MMS19: variants seen among roughly 807,000 people sequenced by gnomAD.
The protein encoded by MMS19 is MMS19 cytosolic iron-sulfur assembly component.
MMS19 carries 77 observed loss-of-function variants against 129.8 expected under a neutral mutation model. The ratio of observed to expected loss-of-function variants is 0.59; its 90% confidence interval spans 0.49 to 0.72. The LOEUF (loss-of-function observed/expected upper bound fraction) is 0.72, where lower values mean the gene tolerates loss of function less well. Ranked by LOEUF, MMS19 falls within the 30% of genes least tolerant of loss-of-function variation. The pLI is 0.00. For missense variants in MMS19, 1,168 were observed against 1,266.3 expected, an observed-to-expected ratio of 0.92 and a Z score of 1.18; for synonymous variants, 491 against 502.8, an observed-to-expected ratio of 0.98 and a Z score of 0.31.
intron 13 of MMS19, among the ~76,000 whole-genome samples, chr10:97,468,012 C>T (rs2033891078): frequency 1.3e-5 from 2 of 151,662 alleles, no homozygotes; most frequent in Admixed American, 1.3e-4. Flanking sequence ...GATGGGATCT[C>T]ACTTTGTTGC....
chr10:97,461,822 A>G lies in MMS19; in HGVS notation c.2184+6T>C. 6.2e-7 allele frequency: 1 copy of G among 1,606,972 alleles called. No homozygotes were observed. Among genetic ancestry groups the G allele is most frequent in the Non-Finnish European group, 8.5e-7 (1 of 1,176,750 alleles). On this transcript the variant is annotated splice_donor_region_variant and intron_variant, in intron 22 of 30. Transcript: ENST00000438925. ...ATAACAGTACTTCCCAAATGTGCTC[A>G]CTTACATTTCGAGGCAGGGAGCAGA...
chr10:97,492,271 C>T (rs2039040904), intron 1 of MMS19, among the ~76,000 whole-genome samples: 3 of 148,324 alleles, frequency 2.0e-5, no homozygotes, highest in Non-Finnish European at 4.5e-5. Context: ...GAGATTGAGA[C>T]CATCCTGGTT....
intron 25 of MMS19, 129 bp from the exon 26 acceptor site, chr10:97,460,361 T>G: frequency 1.2e-6 from 1 of 809,600 alleles, no homozygotes; most frequent in Non-Finnish European, 1.9e-6. Context: ...GCAGGTGGAC[T>G]GCTTGAGTCT....
intron 18 of MMS19, 29 bp downstream of exon 18, chr10:97,465,776 G>T: frequency 6.2e-7 from 1 of 1,600,416 alleles, no homozygotes; most frequent in Non-Finnish European, 8.5e-7. Flanking sequence ...ATTCAGCCCA[G>T]TCCGTTGGTG....
chr10:97,484,039 AAAGT>A (rs2037366358), intron 2 of MMS19, 60 bp downstream of exon 2: 1 of 1,152,098 alleles, frequency 8.7e-7, no homozygotes, highest in Non-Finnish European at 1.2e-6. Context: ...GCAATGCGCA[AAAGT>A]AACTTTTCAG....
chr10:97,466,979 A>G, intron 14 of MMS19, 78 bp from the exon 15 acceptor site: 1 of 1,559,834 alleles, frequency 6.4e-7, no homozygotes, highest in South Asian at 1.1e-5. Context: ...TACACAGCCA[A>G]CCTGGGGTAG....
chr10:97,480,388 C>A, intron 3 of MMS19: 1 of 436,888 alleles, frequency 2.3e-6, no homozygotes. Context: ...AAAAACAAAA[C>A]AAAAAAACCA....
intron 1 of MMS19, among the ~76,000 whole-genome samples, chr10:97,493,530 G>A (rs1032666296): frequency 1.1e-4 from 16 of 152,040 alleles, no homozygotes; most frequent in African/African-American, 3.9e-4. Context: ...ACTCCAGCTG[G>A]GGCAACAGAG....
intron 8 of MMS19, among the ~76,000 whole-genome samples, chr10:97,473,130 G>A (rs2035073814): frequency 6.6e-6 from 1 of 151,456 alleles, no homozygotes; most frequent in Non-Finnish European, 1.5e-5. Context: ...CCGCCTCCCA[G>A]GTTCAAGCAA....
At position 97,477,625 on chromosome 10, in the gene MMS19, G is replaced by A. The variant is rs2035993423; in HGVS notation, c.424-209C>T. Among the ~76,000 whole-genome samples the A allele has an allele frequency of 2.0e-5, 3 of 152,216 alleles. No homozygotes were observed. The South Asian group carries it at 6.2e-4, about 32-fold the overall frequency. On this transcript the variant is annotated intron_variant, in intron 5 of 30. Transcript: ENST00000438925. ...ATTCAAACCTGCCTGACAGAGGGATGCCTTACTTTCTGTAGGTATAAGAGG... is the reference window on the plus strand; with the variant it reads ...ATTCAAACCTGCCTGACAGAGGGATACCTTACTTTCTGTAGGTATAAGAGG...
intron 8 of MMS19, 56 bp downstream of exon 8, chr10:97,476,627 T>C (rs1386548405): frequency 1.3e-5 from 20 of 1,545,760 alleles, no homozygotes; most frequent in Non-Finnish European, 1.8e-5. Context: ...GAACAGGGCT[T>C]GGCACATAGC....
intron 2 of MMS19, among the ~76,000 whole-genome samples, chr10:97,481,467 A>G (rs1442170241): frequency 6.6e-6 from 1 of 152,164 alleles, no homozygotes; most frequent in Non-Finnish European, 1.5e-5. Context: ...GAATACGTGT[A>G]TTTCTGTAAA....
chr10:97,461,454 A>G, intron 23 of MMS19, 42 bp downstream of exon 23: 3 of 1,597,404 alleles, frequency 1.9e-6, no homozygotes, highest in African/African-American at 1.3e-5. Flanking sequence ...TTTCATGGGT[A>G]GTTGATTCTG....
At chr10:97,470,321 C>A in intron 9 of MMS19, 118 bp from the exon 10 acceptor site, 1 of 733,112 alleles carries the variant, frequency 1.4e-6, no homozygotes. Context: ...GAGCTGTACT[C>A]AAGTCAGGAG....
At chr10:97,496,328 C>T (rs186191220) in intron 1 of MMS19, among the ~76,000 whole-genome samples, 29 of 152,078 alleles carry the variant, frequency 1.9e-4, no homozygotes, top group Non-Finnish European at 4.1e-4. Context: ...CCAACCTAGG[C>T]AACATGGTGA....
chr10:97,483,178 G>A (rs1451839412), intron 2 of MMS19, among the ~76,000 whole-genome samples: 1 of 151,952 alleles, frequency 6.6e-6, no homozygotes, highest in African/African-American at 2.4e-5. Flanking sequence ...TCAGCCTTCC[G>A]GGTAGCTGGG....
chr10:97,459,558 C>A lies in MMS19; in HGVS notation c.2740-32G>T, dbSNP rs2031070275. On this transcript the variant is annotated intron_variant, in intron 27 of 30. Coordinates refer to ENST00000438925, the MANE Select transcript of MMS19 (RefSeq NM_022362.5). ...GGCAATGGGCAAGGTAGGGGATGGC[C>A]ACATCATGAAGATCCTGGTTCTTGT... 1.9e-6 allele frequency: 3 copies of A among 1,607,114 alleles called. No individual in the cohort carries two copies. In the South Asian group the frequency reaches 3.3e-5, roughly 18 times the overall value.
In MMS19 at chr10:97,461,833, G is replaced by A. The variant is rs1036069369; in HGVS notation, c.2179C>T (p.Arg727Ter). 1.2e-6 allele frequency: 2 copies of A among 1,608,420 alleles called. No homozygotes were observed. Among genetic ancestry groups the A allele is most frequent in the Non-Finnish European group, 1.7e-6 (2 of 1,177,584 alleles). ...TCCCAAATGTGCTCACTTACATTTC[G>A]AGGCAGGGAGCAGACAAAGGCCATA... ...LLMAFVCSLP[R>*]NVEIPQLNQL... is the part of the protein sequence containing the mutation. Residue 727 changes from arginine (R) to a stop codon, truncating the protein, a stop_gained, in exon 22 of 31, where the codon CGA (arginine) becomes TGA (stop). Transcript: ENST00000438925. LOFTEE classifies it high-confidence loss of function.
chr10:97,463,058 C>A, intron 19 of MMS19: 1 of 227,676 alleles, frequency 4.4e-6, no homozygotes, highest in Non-Finnish European at 8.7e-6. Context: ...GATTTATCTT[C>A]ATGGGTCCTT....
Sources: allele counts gnomAD v4.1 joint callset (sites outside exome capture counted in the v4.1 genomes callset), GRCh38; gene constraint gnomAD v4.1.1; transcripts MANE v1.5; gene names NCBI Gene and HGNC (gene_info 2026-07-23, HGNC 2026-07-21).